Variants in PCDH11Y observed in about 807,000 individuals in gnomAD.
The protein encoded by PCDH11Y is protocadherin-11 Y-linked.
For missense variants in PCDH11Y, 12 were observed against 224.8 expected (o/e 0.05, Z 6.05); for synonymous variants, 9 against 83.6 (o/e 0.11, Z 4.87).
chrY:5,622,976 C>T, intron 4 of PCDH11Y: 1 of 112,304 alleles, frequency 8.9e-6, no homozygotes, highest in Non-Finnish European at 1.9e-5. Flanking sequence ...GGATAATCTG[C>T]GCAGTAAACC....
At chrY:5,604,778 A>G in intron 4 of PCDH11Y, among the ~76,000 whole-genome samples, 1 of 32,271 alleles carries the variant, frequency 3.1e-5, no homozygotes, top group Admixed American at 2.9e-4. Context: ...TATACTATAC[A>G]ATAATATTAA....
chrY:5,710,334 A>G, intron 4 of PCDH11Y, among the ~76,000 whole-genome samples: 1 of 32,415 alleles, frequency 3.1e-5, no homozygotes, highest in Non-Finnish European at 7.5e-5. Context: ...CTGGCATGCC[A>G]GCAAAAGAAA....
intron 2 of PCDH11Y, among the ~76,000 whole-genome samples, chrY:5,367,460 C>G: frequency 4.7e-5 from 1 of 21,065 alleles, no homozygotes; most frequent in Non-Finnish European, 9.9e-5. Context: ...TCTCGGCTCA[C>G]TGCAAGCTCC....
chrY:5,336,351 AC>A, intron 2 of PCDH11Y, among the ~76,000 whole-genome samples: 10 of 31,212 alleles, frequency 3.2e-4, no homozygotes, highest in Non-Finnish European at 7.7e-4. Flanking sequence ...GCTCACTGCA[AC>A]CTCTGCCTCC....
rs35135669 is a variant in PCDH11Y, at chrY:5,003,088, G to GC, written c.-134+2492dup. On this transcript the variant is annotated intron_variant, in intron 1 of 5. Transcript: ENST00000333703. ...GGCCCCTCCTGGGTCCTGGCTCGCA[G>GC]CCCCCCCCCTTCCAGTCCCTCGCTC... Among the ~76,000 whole-genome samples the GC allele has an allele frequency of 3.1e-3, 104 of 33,084 alleles. No individual in the cohort carries two copies. In the East Asian group the frequency reaches 0.034, roughly 11 times the overall value. 88.8% of individuals were successfully genotyped at this position (33,084 alleles called of 37,273 possible). A position where few individuals can be genotyped will look rare whatever the true frequency, so the allele number is the denominator to read the frequency against.
intron 2 of PCDH11Y, among the ~76,000 whole-genome samples, chrY:5,334,614 T>C (rs1477842249): frequency 2.9e-5 from 1 of 33,934 alleles, no homozygotes; most frequent in Admixed American, 2.7e-4. Flanking sequence ...AGTCCCTAAA[T>C]ATAAATCAAT....
intron 2 of PCDH11Y, among the ~76,000 whole-genome samples, chrY:5,455,986 T>G (rs2053297646): frequency 3.0e-5 from 1 of 33,658 alleles, no homozygotes. Context: ...AAAGAGATTC[T>G]GCATAACAAA....
At chrY:5,543,464 A>G (rs2053409919) in intron 3 of PCDH11Y, among the ~76,000 whole-genome samples, 1 of 34,608 alleles carries the variant, frequency 2.9e-5, no homozygotes, top group East Asian at 7.7e-4. Context: ...GTGTTTGTTC[A>G]GAAGTTTGGC....
intron 1 of PCDH11Y, among the ~76,000 whole-genome samples, chrY:5,086,321 C>T: frequency 3.1e-5 from 1 of 32,330 alleles, no homozygotes; most frequent in Non-Finnish European, 7.6e-5. Context: ...TGAATTCCTT[C>T]TCCACATTAT....
chrY:5,519,537 C>G, intron 3 of PCDH11Y, among the ~76,000 whole-genome samples: 7 of 32,118 alleles, frequency 2.2e-4, no homozygotes, highest in Admixed American at 1.5e-3. Context: ...TTGTTTTTCA[C>G]TTAAAGTATG....
At chrY:5,216,522 TAA>T (rs2052946714) in intron 2 of PCDH11Y, among the ~76,000 whole-genome samples, 1 of 32,607 alleles carries the variant, frequency 3.1e-5, no homozygotes, top group Admixed American at 2.9e-4. Context: ...AGTTGTCACT[TAA>T]GTTTTTTTTT....
At chrY:5,495,298 T>C (rs2053343362) in intron 2 of PCDH11Y, among the ~76,000 whole-genome samples, 1 of 32,983 alleles carries the variant, frequency 3.0e-5, no homozygotes, top group Non-Finnish European at 7.4e-5. Context: ...GCTGGCCATA[T>C]AATGCACATG....
intron 3 of PCDH11Y, among the ~76,000 whole-genome samples, chrY:5,543,372 T>C (rs1602940952): frequency 2.9e-5 from 1 of 34,487 alleles, no homozygotes; most frequent in African/African-American, 1.1e-4. Context: ...TAATGCTAGA[T>C]AAAATTCAGA....
At chrY:5,276,130 C>T (rs2124660117) in intron 2 of PCDH11Y, among the ~76,000 whole-genome samples, 1 of 33,033 alleles carries the variant, frequency 3.0e-5, no homozygotes, top group Admixed American at 2.8e-4. Context: ...CTTATTTCTA[C>T]AGTACTAGTA....
At chrY:5,085,418 G>C in intron 1 of PCDH11Y, among the ~76,000 whole-genome samples, 2 of 33,502 alleles carry the variant, frequency 6.0e-5, no homozygotes, top group African/African-American at 2.3e-4. Context: ...CTTAGGATAA[G>C]AGTAGTTTAC....
chrY:5,586,210 TATTG>T (rs2053455753), intron 4 of PCDH11Y, among the ~76,000 whole-genome samples: 1 of 33,111 alleles, frequency 3.0e-5, no homozygotes, highest in African/African-American at 1.2e-4. Context: ...ATTTTAATGA[TATTG>T]ATTATTTCTA....
intron 2 of PCDH11Y, among the ~76,000 whole-genome samples, chrY:5,249,706 G>T (rs1602893500): frequency 3.1e-5 from 1 of 32,378 alleles, no homozygotes; most frequent in Admixed American, 2.8e-4. Context: ...ATCTAATTAA[G>T]CTAAAGAGCT....
chrY:5,559,363 G>A (rs3098424), intron 3 of PCDH11Y, among the ~76,000 whole-genome samples: 1 of 33,535 alleles, frequency 3.0e-5, no homozygotes, highest in East Asian at 7.8e-4. Context: ...AAATGATTCT[G>A]TATCATGTGC....
At chrY:5,499,188 C>T in intron 2 of PCDH11Y, among the ~76,000 whole-genome samples, 1 of 32,562 alleles carries the variant, frequency 3.1e-5, no homozygotes, top group African/African-American at 1.2e-4. Flanking sequence ...CCCCTGCCTT[C>T]TGAACTCCTC....
Sources: allele counts gnomAD v4.1 joint callset (sites outside exome capture counted in the v4.1 genomes callset), GRCh38; gene constraint gnomAD v4.1.1; transcripts MANE v1.5; gene names NCBI Gene and HGNC (gene_info 2026-07-23, HGNC 2026-07-21).